Variants in AFDN observed in about 807,000 individuals in gnomAD.
AFDN encodes the protein afadin, adherens junction formation factor.
In AFDN, 68 loss-of-function variants were observed where a neutral mutation model predicts 216.6. The observed-to-expected ratio is 0.31, with a 90% CI of 0.26 to 0.38. The LOEUF (loss-of-function observed/expected upper bound fraction) is 0.38, where lower values mean the gene tolerates loss of function less well. AFDN is among the 10% of genes least tolerant of loss of function. The pLI, the probability that AFDN is intolerant of heterozygous loss-of-function variation, is 1.00. For missense variants in AFDN, 2,136 were observed against 2,342.0 expected, an observed-to-expected ratio of 0.91 and a Z score of 1.82; for synonymous variants, 868 against 853.7, an observed-to-expected ratio of 1.02 and a Z score of -0.29.
Position 167,917,078 on chromosome 6 carries a change from C to T in AFDN, c.2566-11C>T. 1 of 1,610,120 alleles carries T rather than the reference C, an allele frequency of 6.2e-7. No homozygotes were observed. Among genetic ancestry groups the T allele is most frequent in the Non-Finnish European group, 8.5e-7 (1 of 1,177,982 alleles). ...AGTGTGATATTTTATGTCCTTTATT[C>T]TTTTACATAGGCAACGACTTTGCTT... On this transcript the variant is annotated splice_polypyrimidine_tract_variant and intron_variant, in intron 19 of 33. Transcript: ENST00000683244.
intron 1 of AFDN, among the ~76,000 whole-genome samples, chr6:167,853,568 A>T (rs528876548): frequency 2.6e-5 from 4 of 152,240 alleles, no homozygotes; most frequent in African/African-American, 9.6e-5. Flanking sequence ...AAATAGTTAC[A>T]TGGTTCCAGA....
rs1562507528 is a variant in AFDN, at chr6:167,826,920, C to CCGGCGGGGCTGAGG, written c.-207_-194dup. ...GCGGCGGGCGCCGGGCGCACACCGG[C>CCGGCGGGGCTGAGG]CGGCGGGGCTGAGGCGGCGCGGCGC... is the stretch of plus-strand genomic sequence containing the variant. On this transcript the variant is annotated 5_prime_UTR_variant, in exon 1 of 34. Coordinates refer to ENST00000683244, the MANE Select transcript of AFDN (RefSeq NM_001386888.1). The CCGGCGGGGCTGAGG allele has an allele frequency of 6.9e-6, 1 of 144,794 alleles. No homozygotes were observed. The highest frequency in any genetic ancestry group is 2.5e-5 in the African/African-American group (1 of 40,238). The allele number at this position is 144,794 out of a possible 1,614,324, so 9.0% of individuals were successfully genotyped here.
intron 26 of AFDN, among the ~76,000 whole-genome samples, chr6:167,945,343 T>C (rs2128641171): frequency 6.6e-6 from 1 of 152,318 alleles, no homozygotes; most frequent in African/African-American, 2.4e-5. Flanking sequence ...CCTCCTGTGG[T>C]GACAATGCCT....
chr6:167,963,756 T>C, intron 31 of AFDN: 1 of 1,062,204 alleles, frequency 9.4e-7, no homozygotes, highest in Non-Finnish European at 1.1e-6. Context: ...GGTTCCCCTG[T>C]GAGTCTTTCA....
At position 167,952,188 on chromosome 6, in the gene AFDN, G is replaced by A; in HGVS notation, c.4833+1G>A. The A allele has an allele frequency of 6.2e-7, 1 of 1,614,092 alleles. No individual in the cohort carries two copies. Among genetic ancestry groups the A allele is most frequent in the Middle Eastern group, 1.6e-4 (1 of 6,062 alleles). The stretch of plus-strand genomic sequence containing the variant: ...CCTGGAGGCTGAACGAAGAGCGAGG[G>A]TAAAGGGGGGAGTGCTTTGGCTGTG... On this transcript the variant is annotated splice_donor_variant, in intron 30 of 33. Coordinates refer to ENST00000683244, the MANE Select transcript of AFDN (RefSeq NM_001386888.1). LOFTEE classifies it high-confidence loss of function.
chr6:167,866,088 A>T (rs1298402410), intron 2 of AFDN, among the ~76,000 whole-genome samples: 2 of 152,234 alleles, frequency 1.3e-5, no homozygotes, highest in Non-Finnish European at 1.5e-5. Flanking sequence ...TAGGTTACAA[A>T]GAAGAATAAA....
At chr6:167,914,537 TAATGGAA>T in intron 17 of AFDN, 100 bp from the exon 18 acceptor site, 1 of 906,114 alleles carries the variant, frequency 1.1e-6, no homozygotes, top group Admixed American at 2.7e-5. Context: ...ATTTTTTTTT[TAATGGAA>T]AATATTTTTT....
intron 4 of AFDN, among the ~76,000 whole-genome samples, chr6:167,874,864 A>G (rs1195106951): frequency 2.0e-5 from 3 of 151,974 alleles, no homozygotes; most frequent in African/African-American, 4.8e-5. Flanking sequence ...ATCCACCCAC[A>G]TCAGCCTCCC....
chr6:167,963,373 C>T, intron 31 of AFDN: 1 of 1,058,162 alleles, frequency 9.5e-7, no homozygotes, highest in African/African-American at 1.6e-5. Context: ...TACTTCCCTT[C>T]TATGAAGGTA....
intron 1 of AFDN, among the ~76,000 whole-genome samples, chr6:167,862,415 G>A (rs370147240): frequency 6.6e-6 from 1 of 151,392 alleles, no homozygotes; most frequent in East Asian, 1.9e-4. Flanking sequence ...TTGCTCTGTC[G>A]CCCAGGCTGG....
At chr6:167,949,268 GGATCGCAGAC>G (rs1795692961) in intron 29 of AFDN, among the ~76,000 whole-genome samples, 1 of 152,172 alleles carries the variant, frequency 6.6e-6, no homozygotes, top group Non-Finnish European at 1.5e-5. Context: ...TACATGCCCT[GGATCGCAGAC>G]GCTCTAGGAA....
At chr6:167,946,682 G>C (rs769331300) in intron 26 of AFDN, 25 bp from the exon 27 acceptor site, 17 of 1,600,902 alleles carry the variant, frequency 1.1e-5, no homozygotes. Flanking sequence ...AATCTTAAGA[G>C]ATACTGAATA....
chr6:167,946,569 C>A, intron 26 of AFDN, 138 bp from the exon 27 acceptor site: 1 of 628,814 alleles, frequency 1.6e-6, no homozygotes, highest in Non-Finnish European at 2.5e-6. Flanking sequence ...TACTTAAAAG[C>A]TGTTTTATGA....
At chr6:167,835,279 C>T (rs543441236) in intron 1 of AFDN, among the ~76,000 whole-genome samples, 1 of 152,328 alleles carries the variant, frequency 6.6e-6, no homozygotes, top group Non-Finnish European at 1.5e-5. Context: ...ACATCACTGT[C>T]ATAGGCAGCA....
rs1298149967 is a variant in AFDN at position 167,951,773 on chromosome 6, G to A, written c.4419G>A (p.Lys1473=). The A allele has an allele frequency of 6.2e-7, 1 of 1,614,012 alleles. No homozygotes were observed. Among genetic ancestry groups the A allele is most frequent in the East Asian group, 2.2e-5 (1 of 44,872 alleles). Residue 1473 remains lysine, a synonymous_variant, in exon 30 of 34, where the codon AAG becomes AAA. Transcript: ENST00000683244. This position sits in a 1 kb window ranked among gnomAD's most constrained non-coding sequence, Gnocchi z 7.1. ...CTGCACAGCAGATGAAGCCCGAAAA[G>A]CCTTCCACACTCCAGCGGCCACAGG... ...PLTAQQMKPE[K]PSTLQRPQET...
rs556321428 is a variant in AFDN at position 167,934,913 on chromosome 6, A to G, written c.3100-8216A>G. Among the ~76,000 whole-genome samples, 330 of 152,292 alleles carry G rather than the reference A, an allele frequency of 2.2e-3. 1 individual carries two copies. The highest frequency in any genetic ancestry group is 7.6e-3 in the African/African-American group (316 of 41,526). On this transcript the variant is annotated intron_variant, in intron 23 of 33. Coordinates refer to ENST00000683244, the MANE Select transcript of AFDN (RefSeq NM_001386888.1). ...GAATTAGAGAAGACATTTGGGGAGC[A>G]GTCTTTTCCTTGTTGCCATTTCTCA... is the stretch of plus-strand genomic sequence containing the variant.
At chr6:167,840,423 G>T (rs1311952890) in intron 1 of AFDN, among the ~76,000 whole-genome samples, 1 of 152,156 alleles carries the variant, frequency 6.6e-6, no homozygotes, top group Non-Finnish European at 1.5e-5. Context: ...TACGGTTTCT[G>T]AGCAGAAGCT....
intron 1 of AFDN, among the ~76,000 whole-genome samples, chr6:167,839,524 A>G (rs921648577): frequency 6.6e-6 from 1 of 152,206 alleles, no homozygotes; most frequent in Non-Finnish European, 1.5e-5. Context: ...GGAATGAAGT[A>G]ATCTGTGATC....
In AFDN at chr6:167,971,663, A is replaced by G; in HGVS notation, c.*1728A>G. 1 of 196,162 alleles carries G rather than the reference A, an allele frequency of 5.1e-6. No homozygotes were observed. Among genetic ancestry groups the G allele is most frequent in the East Asian group, 8.1e-5 (1 of 12,354 alleles). The allele number at this position is 196,162 out of a possible 1,614,324, so 12.2% of individuals were successfully genotyped here. On this transcript the variant is annotated 3_prime_UTR_variant, in exon 34 of 34. Coordinates refer to ENST00000683244, the MANE Select transcript of AFDN (RefSeq NM_001386888.1). ...ATGAATTACTTTTCTGTTAATATAT[A>G]GAAAAATACACAGGAGAACATGCAG...
Sources: allele counts gnomAD v4.1 joint callset (sites outside exome capture counted in the v4.1 genomes callset), GRCh38; gene constraint gnomAD v4.1.1; non-coding constraint Gnocchi (gnomAD v3.1); transcripts MANE v1.5; gene names NCBI Gene and HGNC (gene_info 2026-07-23, HGNC 2026-07-21).